Variants in CACNA1E observed in about 807,000 individuals in gnomAD.
CACNA1E encodes voltage-dependent R-type calcium channel subunit alpha-1E.
Under a neutral mutation model 259.2 loss-of-function variants are expected in CACNA1E, and 40 were observed. The ratio of observed to expected loss-of-function variants is 0.15; its 90% confidence interval spans 0.12 to 0.20. The LOEUF is 0.20. Ranked by LOEUF, CACNA1E falls within the 10% of genes least tolerant of loss-of-function variation. The probability of loss-of-function intolerance (pLI) is 1.00; values close to 1 mark genes in which losing one functional copy is unlikely to be tolerated. For missense variants in CACNA1E, 1,874 were observed against 3,040.1 expected, an observed-to-expected ratio of 0.62 and a Z score of 9.02; for synonymous variants, 1,104 against 1,138.5, an observed-to-expected ratio of 0.97 and a Z score of 0.61.
intron 1 of CACNA1E, among the ~76,000 whole-genome samples, chr1:181,363,021 A>C (rs1255364679): frequency 6.6e-6 from 1 of 152,206 alleles, no homozygotes; most frequent in African/African-American, 2.4e-5. Context: ...ATCATGCCCC[A>C]TATAGGCCCT....
rs959002286 is a variant in CACNA1E, at chr1:181,633,543, G to A, written c.952-17795G>A. Reference sequence around the variant, plus strand: ...ATCTTGCTCTGTCACCCAGGCTGGAGTGCAGTGCCACCATCTCAGCTCACT... The same window carrying A: ...ATCTTGCTCTGTCACCCAGGCTGGAATGCAGTGCCACCATCTCAGCTCACT... On this transcript the variant is annotated intron_variant, in intron 6 of 47. Coordinates refer to ENST00000367573, the MANE Select transcript of CACNA1E (RefSeq NM_001205293.3). Among the ~76,000 whole-genome samples, 6 of 152,200 alleles carry A rather than the reference G, an allele frequency of 3.9e-5. No individual in the cohort carries two copies. The East Asian group carries it at 9.7e-4, about 25-fold the overall frequency.
chr1:181,689,637 A>G (rs1454299291), intron 7 of CACNA1E, among the ~76,000 whole-genome samples: 2 of 152,122 alleles, frequency 1.3e-5, no homozygotes, highest in Admixed American at 6.5e-5. Context: ...CCTCTCCAGC[A>G]CCTGTTGTTT....
intron 1 of CACNA1E, among the ~76,000 whole-genome samples, chr1:181,320,850 C>G (rs1355210782): frequency 6.6e-6 from 1 of 152,156 alleles, no homozygotes; most frequent in Non-Finnish European, 1.5e-5. Flanking sequence ...TGGTGTCCGT[C>G]TTAGTCCATT....
intron 1 of CACNA1E, among the ~76,000 whole-genome samples, chr1:181,385,343 T>G (rs1239478861): frequency 6.6e-6 from 1 of 152,198 alleles, no homozygotes; most frequent in Non-Finnish European, 1.5e-5. Context: ...TCTCCCTCAT[T>G]GGGTTATGAT....
At chr1:181,621,896 A>G (rs2103171774) in intron 6 of CACNA1E, among the ~76,000 whole-genome samples, 1 of 152,306 alleles carries the variant, frequency 6.6e-6, no homozygotes, top group Non-Finnish European at 1.5e-5. Context: ...TTACTGAGCC[A>G]GCTTTGTCAG....
At position 181,391,945 on chromosome 1, in the gene CACNA1E, CTGTGTGTGTGTG is replaced by C. The variant is rs201388697; in HGVS notation, c.-14-21164_-14-21153del. ...TCTCTGTCTCTCTCTCTCTCTCTCT[CTGTGTGTGTGTG>C]TGTGTGTGTGTGTGTGTGTGTGTTT... On this transcript the variant is annotated intron_variant, in intron 1 of 11. Transcript: ENST00000524607. Among the ~76,000 whole-genome samples, 26 of 118,264 alleles carry C rather than the reference CTGTGTGTGTGTG, an allele frequency of 2.2e-4. No individual in the cohort carries two copies. In the East Asian group the frequency reaches 4.8e-3, roughly 22 times the overall value. 77.6% of individuals were successfully genotyped at this position (118,264 alleles called of 152,430 possible). A position where few individuals can be genotyped will look rare whatever the true frequency, so the allele number is the denominator to read the frequency against.
chr1:181,705,415 T>G (rs1458809277), intron 7 of CACNA1E, among the ~76,000 whole-genome samples: 1 of 152,212 alleles, frequency 6.6e-6, no homozygotes, highest in African/African-American at 2.4e-5. Context: ...CAAATACAAA[T>G]GTAGTAACCA....
intron 6 of CACNA1E, among the ~76,000 whole-genome samples, chr1:181,628,308 A>G (rs942012970): frequency 4.6e-5 from 7 of 152,226 alleles, no homozygotes; most frequent in South Asian, 4.1e-4. Context: ...CAGAGTGGAT[A>G]CAGTGGCTCT....
intron 1 of CACNA1E, among the ~76,000 whole-genome samples, chr1:181,350,161 A>G (rs1178613747): frequency 6.6e-6 from 1 of 152,180 alleles, no homozygotes. Flanking sequence ...TAATGCTTTA[A>G]TTATGCAGGC....
intron 2 of CACNA1E, among the ~76,000 whole-genome samples, chr1:181,423,101 A>ATG (rs1415519441): frequency 6.6e-6 from 1 of 152,212 alleles, no homozygotes; most frequent in Non-Finnish European, 1.5e-5. Flanking sequence ...CATCTATCGC[A>ATG]TGTGCCTTCA....
intron 1 of CACNA1E, among the ~76,000 whole-genome samples, chr1:181,486,545 G>T (rs1663835321): frequency 6.6e-6 from 1 of 152,166 alleles, no homozygotes. Flanking sequence ...GTCAGTCTGG[G>T]TAGTGGTTGC....
At chr1:181,620,201 G>A (rs1254356158) in intron 6 of CACNA1E, among the ~76,000 whole-genome samples, 3 of 152,154 alleles carry the variant, frequency 2.0e-5, no homozygotes, top group African/African-American at 7.2e-5. Flanking sequence ...GCAAGTATGT[G>A]TTAACTCTAC....
intron 7 of CACNA1E, among the ~76,000 whole-genome samples, chr1:181,700,903 C>T (rs952178587): frequency 6.6e-6 from 1 of 152,210 alleles, no homozygotes; most frequent in Non-Finnish European, 1.5e-5. Flanking sequence ...GGAGCTCCCC[C>T]TGCTCCATTT....
chr1:181,523,755 C>T (rs1667154396), intron 3 of CACNA1E, among the ~76,000 whole-genome samples: 1 of 152,202 alleles, frequency 6.6e-6, no homozygotes, highest in African/African-American at 2.4e-5. Context: ...GTGTAACTAA[C>T]CCATTGATAT....
upstream of CACNA1E, among the ~76,000 whole-genome samples, chr1:181,482,952 C>T (rs560030692): frequency 6.6e-6 from 1 of 152,404 alleles, no homozygotes; most frequent in African/African-American, 2.4e-5. Context: ...CTGGATGCTG[C>T]TCAACTTCTA....
intron 1 of CACNA1E, among the ~76,000 whole-genome samples, chr1:181,320,923 G>C (rs1650290560): frequency 6.6e-6 from 1 of 152,130 alleles, no homozygotes; most frequent in South Asian, 2.1e-4. Flanking sequence ...AGGTTTATTT[G>C]GGTTATGGCT....
intron 6 of CACNA1E, among the ~76,000 whole-genome samples, chr1:181,590,328 G>A (rs1652500592): frequency 6.7e-6 from 1 of 150,154 alleles, no homozygotes; most frequent in African/African-American, 2.5e-5. Flanking sequence ...TCCACCTTGA[G>A]CCCCATTGTC....
intron 1 of CACNA1E, among the ~76,000 whole-genome samples, chr1:181,487,337 A>AG (rs1306067574): frequency 6.6e-6 from 1 of 152,094 alleles, no homozygotes; most frequent in African/African-American, 2.4e-5. Flanking sequence ...CCCGACTTGG[A>AG]GGGGGAGGGT....
intron 3 of CACNA1E, among the ~76,000 whole-genome samples, chr1:181,565,685 G>A (rs930590209): frequency 2.6e-5 from 4 of 152,196 alleles, no homozygotes; most frequent in African/African-American, 4.8e-5. Flanking sequence ...AAAAACAATA[G>A]GTGTACATTC....
Sources: allele counts gnomAD v4.1 joint callset (sites outside exome capture counted in the v4.1 genomes callset), GRCh38; gene constraint gnomAD v4.1.1; transcripts MANE v1.5; gene names NCBI Gene and HGNC (gene_info 2026-07-23, HGNC 2026-07-21).